Variants in CNTN5 observed in about 807,000 individuals in gnomAD.
The protein encoded by CNTN5 is contactin 5, also known as contactin-5.
Under a neutral mutation model 129.1 loss-of-function variants are expected in CNTN5, and 77 were observed. The ratio of observed to expected loss-of-function variants is 0.60; its 90% CI spans 0.50 to 0.72. CNTN5 has a LOEUF of 0.72. Ranked by LOEUF, CNTN5 falls within the 30% of genes least tolerant of loss-of-function variation. CNTN5 has a pLI of 0.00. For synonymous variants in CNTN5, 509 were observed against 465.6 expected (o/e 1.09, Z -1.20); for missense variants, 1,478 against 1,328.8 (o/e 1.11, Z -1.75).
intron 6 of CNTN5, among the ~76,000 whole-genome samples, chr11:99,913,205 T>A (rs1276281370): frequency 6.6e-6 from 1 of 152,030 alleles, no homozygotes; most frequent in Non-Finnish European, 1.5e-5. Context: ...TAGTGAGAGA[T>A]GAACAAACAG....
intron 3 of CNTN5, among the ~76,000 whole-genome samples, chr11:99,795,663 A>T (rs1179545440): frequency 6.7e-6 from 1 of 148,498 alleles, no homozygotes; most frequent in African/African-American, 2.5e-5. Flanking sequence ...TCTTTTTTTA[A>T]AAAAATTATC....
chr11:99,965,901 T>A (rs910813386), intron 8 of CNTN5, among the ~76,000 whole-genome samples: 3 of 152,162 alleles, frequency 2.0e-5, no homozygotes, highest in Non-Finnish European at 2.9e-5. Flanking sequence ...AAGGACACTT[T>A]CCTGAATGTT....
chr11:99,924,002 C>T (rs1469161572), intron 7 of CNTN5, among the ~76,000 whole-genome samples: 2 of 152,190 alleles, frequency 1.3e-5, no homozygotes, highest in Non-Finnish European at 2.9e-5. Flanking sequence ...ATGTTGGCCA[C>T]GATGGCCTCA....
chr11:99,510,343 A>G (rs1427903795), intron 2 of CNTN5, among the ~76,000 whole-genome samples: 1 of 152,198 alleles, frequency 6.6e-6, no homozygotes, highest in Non-Finnish European at 1.5e-5. Context: ...TGGTGAGAGT[A>G]TAAACTGGCA....
intron 3 of CNTN5, among the ~76,000 whole-genome samples, chr11:99,727,683 TGAA>T (rs1256133670): frequency 1.3e-5 from 2 of 151,926 alleles, no homozygotes; most frequent in Non-Finnish European, 2.9e-5. Context: ...TGGAAAAAAA[TGAA>T]GAGATATATG....
At chr11:99,233,773 C>G (rs573649109) in intron 1 of CNTN5, among the ~76,000 whole-genome samples, 1 of 151,984 alleles carries the variant, frequency 6.6e-6, no homozygotes, top group Non-Finnish European at 1.5e-5. Flanking sequence ...CGGTGAAACC[C>G]ATCTCTACTA....
At chr11:99,522,253 A>G (rs1297568344) in intron 2 of CNTN5, among the ~76,000 whole-genome samples, 4 of 152,150 alleles carry the variant, frequency 2.6e-5, no homozygotes, top group Non-Finnish European at 4.4e-5. Flanking sequence ...TTAAAATACC[A>G]TCTTTTAGAT....
At chr11:99,820,557 G>T (rs999334076) in intron 4 of CNTN5, among the ~76,000 whole-genome samples, 1 of 152,284 alleles carries the variant, frequency 6.6e-6, no homozygotes, top group Admixed American at 6.5e-5. Flanking sequence ...TGGATCCATC[G>T]ACAAAATAAT....
At chr11:99,802,104 G>A (rs1946132217) in intron 3 of CNTN5, among the ~76,000 whole-genome samples, 1 of 152,196 alleles carries the variant, frequency 6.6e-6, no homozygotes, top group Non-Finnish European at 1.5e-5. Flanking sequence ...CACCCAGGGT[G>A]TATGACTGTA....
chr11:100,087,297 A>C (rs1296679364), intron 13 of CNTN5, among the ~76,000 whole-genome samples: 2 of 151,862 alleles, frequency 1.3e-5, no homozygotes, highest in Non-Finnish European at 2.9e-5. Context: ...AGAATTGAAA[A>C]ATTTAAATAA....
At chr11:99,039,170 A>G (rs138615930) in intron 1 of CNTN5, among the ~76,000 whole-genome samples, 275 of 152,330 alleles carry the variant, frequency 1.8e-3, no homozygotes, top group African/African-American at 6.4e-3. Context: ...AACATCAGCA[A>G]TAAAAAAGAA....
intron 1 of CNTN5, among the ~76,000 whole-genome samples, chr11:99,180,008 A>G (rs1857971192): frequency 6.6e-6 from 1 of 152,214 alleles, no homozygotes; most frequent in Non-Finnish European, 1.5e-5. Flanking sequence ...TATTATAGGT[A>G]TCCTTACCTT....
chr11:100,269,330 T>C (rs974083484), intron 17 of CNTN5, among the ~76,000 whole-genome samples: 7 of 151,920 alleles, frequency 4.6e-5, no homozygotes, highest in Non-Finnish European at 7.4e-5. Context: ...CAAAAGAGAA[T>C]GGAAGAAAAA....
intron 21 of CNTN5, among the ~76,000 whole-genome samples, chr11:100,328,270 C>G (rs1403350209): frequency 6.6e-6 from 1 of 152,078 alleles, no homozygotes; most frequent in East Asian, 1.9e-4. Context: ...GTGGGAGGAT[C>G]ACTCTAGCCT....
intron 13 of CNTN5, among the ~76,000 whole-genome samples, chr11:100,113,334 C>CA (rs1228465924): frequency 1.5e-5 from 2 of 137,142 alleles, no homozygotes; most frequent in Non-Finnish European, 3.1e-5. Flanking sequence ...CTGGTATCGC[C>CA]ATGTAACCTG....
chr11:100,202,184 G>A (rs1806846741), intron 15 of CNTN5, among the ~76,000 whole-genome samples: 1 of 151,940 alleles, frequency 6.6e-6, no homozygotes. Flanking sequence ...GGATACAAGA[G>A]TTATCCAAAC....
chr11:99,838,631 A>G (rs779472859), intron 4 of CNTN5, among the ~76,000 whole-genome samples: 2 of 152,170 alleles, frequency 1.3e-5, no homozygotes, highest in Non-Finnish European at 2.9e-5. Context: ...TTCTCATTTG[A>G]AAACTTTACA....
chr11:99,066,040 A>G (rs1362031215), intron 1 of CNTN5, among the ~76,000 whole-genome samples: 2 of 152,152 alleles, frequency 1.3e-5, no homozygotes, highest in Admixed American at 1.3e-4. Flanking sequence ...AAAGGAAGTT[A>G]TATGTTGTTT....
chr11:100,165,361 G>C (rs1403299703), intron 13 of CNTN5, among the ~76,000 whole-genome samples: 1 of 151,610 alleles, frequency 6.6e-6, no homozygotes, highest in Non-Finnish European at 1.5e-5. Flanking sequence ...TCACATAGCA[G>C]GTGCTCAATA....
Sources: gnomAD v4.1 joint callset for allele counts (sites outside exome capture counted in the v4.1 genomes callset) on GRCh38, gnomAD v4.1.1 for gene constraint, MANE v1.5 for transcripts, NCBI Gene and HGNC (gene_info 2026-07-23, HGNC 2026-07-21) for gene names.